The following NKD2 variants were observed in gnomAD, a reference collection of about 807,000 sequenced individuals.
The protein encoded by NKD2 is protein naked cuticle homolog 2.
Under a neutral mutation model 34.8 loss-of-function variants are expected in NKD2, and 43 were observed. That is an observed-to-expected ratio of 1.24 (90% CI 0.97 to 1.60). The LOEUF (loss-of-function observed/expected upper bound fraction) is 1.60, where lower values mean the gene tolerates loss of function less well. Ranked by LOEUF, NKD2 falls within the 40% of genes most tolerant of loss-of-function variation. The probability of loss-of-function intolerance (pLI) is 0.00; values close to 1 mark genes in which losing one functional copy is unlikely to be tolerated. For synonymous variants in NKD2, 278 were observed against 265.1 expected (o/e 1.05, Z -0.47); for missense variants, 675 against 627.1 (o/e 1.08, Z -0.82).
chr5:1,009,104 C>CGGGA lies in NKD2; in HGVS notation c.25+26_25+29dup, dbSNP rs1176264803. ...CACGGTGAGCCGCGGGCCGGTAGGG[C>CGGGA]GGGAGGGCGGGCGGGCGGGCGTGGG... is the stretch of plus-strand genomic sequence containing the variant. On this transcript the variant is annotated intron_variant, in intron 1 of 9. Coordinates refer to ENST00000296849, the MANE Select transcript of NKD2 (RefSeq NM_033120.4). The surrounding 1 kb of genome is among the most constrained non-coding windows in gnomAD (Gnocchi z 6.9). The CGGGA allele has an allele frequency of 3.8e-4, 35 of 91,334 alleles. No homozygotes were observed. The East Asian group carries it at 6.5e-3, about 17-fold the overall frequency. 5.7% of individuals were successfully genotyped at this position (91,334 alleles called of 1,614,324 possible).
intron 3 of NKD2, among the ~76,000 whole-genome samples, chr5:1,023,259 G>A (rs71213498): frequency 1.0e-4 from 2 of 19,896 alleles, no homozygotes; most frequent in African/African-American, 2.6e-4. Flanking sequence ...GTCCCAGCCC[G>A]TTGTCCCTGC....
intron 6 of NKD2, 47 bp downstream of exon 6, chr5:1,034,377 G>C: frequency 6.8e-7 from 1 of 1,480,022 alleles, no homozygotes; most frequent in Non-Finnish European, 9.4e-7. Context: ...TAGACAGACG[G>C]GGCAGACAGA....
chr5:1,009,436 C>A lies in NKD2; in HGVS notation c.62-45C>A. 1.4e-6 allele frequency: 2 copies of A among 1,459,322 alleles called. No individual in the cohort carries two copies. The highest frequency in any genetic ancestry group is 1.8e-6 in the Non-Finnish European group (2 of 1,099,206). The allele number at this position is 1,459,322 out of a possible 1,614,324, so 90.4% of individuals were successfully genotyped here. Reference sequence around the variant, plus strand: ...CGCGGGGCTCACGGCGCGTCTCTTTCCCTCCTCGGTGCGGGTTTCCCGCGC... The same window carrying A: ...CGCGGGGCTCACGGCGCGTCTCTTTACCTCCTCGGTGCGGGTTTCCCGCGC... On this transcript the variant is annotated intron_variant, in intron 2 of 9. Coordinates refer to ENST00000296849, the MANE Select transcript of NKD2 (RefSeq NM_033120.4). The surrounding 1 kb of genome is among the most constrained non-coding windows in gnomAD (Gnocchi z 6.9).
At position 1,037,964 on chromosome 5, in the gene NKD2, C is replaced by T; in HGVS notation, c.947C>T (p.Ala316Val). The change falls in exon 10 of 10, where the codon GCC becomes GTC. Residue 316 changes from alanine (A) to valine (V), a missense_variant. Coordinates refer to ENST00000296849, the MANE Select transcript of NKD2 (RefSeq NM_033120.4). ...VVPASEPAAR[A>V]LDTQPRPKGP... ...CCAGCCTCGGAGCCTGCTGCCCGGG[C>T]CCTGGACACGCAGCCCCGGCCGAAG... 1.9e-6 allele frequency: 3 copies of T among 1,605,676 alleles called. No homozygotes were observed. The highest frequency in any genetic ancestry group is 2.5e-6 in the Non-Finnish European group (3 of 1,177,886).
chr5:1,036,227 G>C, intron 8 of NKD2, 30 bp from the exon 9 acceptor site: 4 of 1,556,486 alleles, frequency 2.6e-6, no homozygotes, highest in Non-Finnish European at 3.5e-6. Context: ...GTCTGTGCGG[G>C]GGTCAGGCCC....
chr5:1,036,991 G>T (rs1734004436), intron 9 of NKD2: 1 of 346,286 alleles, frequency 2.9e-6, no homozygotes, highest in Non-Finnish European at 5.4e-6. Flanking sequence ...CAGTGTGGAT[G>T]GCAGGCAGGC....
At chr5:1,029,866 G>C (rs1344568730) in intron 3 of NKD2, among the ~76,000 whole-genome samples, 1 of 152,186 alleles carries the variant, frequency 6.6e-6, no homozygotes, top group Non-Finnish European at 1.5e-5. Flanking sequence ...CTTTAGCAAG[G>C]AGTGCTGTAC....
chr5:1,036,486 T>TG, intron 9 of NKD2, 102 bp downstream of exon 9: 5 of 695,984 alleles, frequency 7.2e-6, no homozygotes, highest in South Asian at 3.8e-5. Flanking sequence ...CTCCCTGCCC[T>TG]GCCCCGCCCC....
rs373815595 is a variant in NKD2, at chr5:1,038,415, C to G, written c.*42C>G. The G allele has an allele frequency of 2.6e-4, 402 of 1,535,596 alleles. 4 individuals are homozygous for G. In the African/African-American group the frequency reaches 4.9e-3, roughly 19 times the overall value. ...ACCTCGCTCCCAGCACACCACAGCC[C>G]GCGACCTCAGGGCAGGGAGCAGAGC... On this transcript the variant is annotated 3_prime_UTR_variant, in exon 10 of 10. Transcript: ENST00000296849. The surrounding 1 kb of genome is among the most constrained non-coding windows in gnomAD (Gnocchi z 4.5).
intron 9 of NKD2, 119 bp downstream of exon 9, chr5:1,036,503 A>AC (rs1491491725): frequency 6.3e-5 from 13 of 207,778 alleles, no homozygotes; most frequent in African/African-American, 5.1e-4. Flanking sequence ...CCCCCCCCCA[A>AC]CCCCCCCCAC....
At chr5:1,029,464 C>T (rs535282152) in intron 3 of NKD2, among the ~76,000 whole-genome samples, 5 of 152,280 alleles carry the variant, frequency 3.3e-5, no homozygotes, top group South Asian at 2.1e-4. Context: ...CATCAAACCA[C>T]GGGTCTGTGC....
rs1218210564 is a variant in NKD2 at position 1,038,499 on chromosome 5, A to ACAGCAAC, written c.*127_*133dup. 2.0e-6 allele frequency: 3 copies of ACAGCAAC among 1,517,010 alleles called. No individual in the cohort carries two copies. Among genetic ancestry groups the ACAGCAAC allele is most frequent in the Non-Finnish European group, 2.7e-6 (3 of 1,131,644 alleles). The allele number at this position is 1,517,010 out of a possible 1,614,324, so 94.0% of individuals were successfully genotyped here. ...CCCCACCCCCCACCTCCGACAGCAA[A>ACAGCAAC]CAGCAACTGACTGCAGGTGCTGGCA... On this transcript the variant is annotated 3_prime_UTR_variant, in exon 10 of 10. Coordinates refer to ENST00000296849, the MANE Select transcript of NKD2 (RefSeq NM_033120.4). The surrounding 1 kb of genome is among the most constrained non-coding windows in gnomAD (Gnocchi z 4.5).
intron 3 of NKD2, among the ~76,000 whole-genome samples, chr5:1,028,582 GA>G (rs1279213257): frequency 2.0e-5 from 3 of 152,118 alleles, no homozygotes; most frequent in Admixed American, 6.5e-5. Context: ...GGCGGGAGGG[GA>G]CAACGGGCAT....
chr5:1,034,066 G>T (rs1733667433), intron 5 of NKD2, 169 bp from the exon 6 acceptor site: 3 of 605,562 alleles, frequency 5.0e-6, no homozygotes, highest in Non-Finnish European at 8.8e-6. Context: ...GCAAGAAGGG[G>T]TCTGCTGGTT....
intron 3 of NKD2, among the ~76,000 whole-genome samples, chr5:1,012,704 G>A (rs1307096059): frequency 6.6e-6 from 1 of 152,236 alleles, no homozygotes; most frequent in East Asian, 1.9e-4. Flanking sequence ...ACTGGAACCA[G>A]CCACAGTGCC....
At position 1,038,395 on chromosome 5, in the gene NKD2, G is replaced by T. The variant is rs887884762; in HGVS notation, c.*22G>T. ...CTAGCGCCACTGCCAAGCACACCTC[G>T]CTCCCAGCACACCACAGCCCGCGAC... On this transcript the variant is annotated 3_prime_UTR_variant, in exon 10 of 10. Coordinates refer to ENST00000296849, the MANE Select transcript of NKD2 (RefSeq NM_033120.4). The surrounding 1 kb of genome is among the most constrained non-coding windows in gnomAD (Gnocchi z 4.5). 12 of 1,535,346 alleles carry T rather than the reference G, an allele frequency of 7.8e-6. No homozygotes were observed. The Middle Eastern group carries it at 5.1e-4, about 65-fold the overall frequency.
At chr5:1,034,366 G>A (rs1579274344) in intron 6 of NKD2, 36 bp downstream of exon 6, 2 of 1,520,502 alleles carry the variant, frequency 1.3e-6, no homozygotes, top group Non-Finnish European at 1.8e-6. Context: ...GTCCACAGTA[G>A]TAGACAGACG....
Position 1,038,538 on chromosome 5 carries a change from G to A in NKD2, c.*165G>A, listed in dbSNP as rs746143253. The A allele has an allele frequency of 2.8e-6, 4 of 1,430,826 alleles. No homozygotes were observed. The South Asian group carries it at 3.7e-5, about 13-fold the overall frequency. The allele number at this position is 1,430,826 out of a possible 1,614,324, so 88.6% of individuals were successfully genotyped here. A position where few individuals can be genotyped will look rare whatever the true frequency, so the allele number is the denominator to read the frequency against. The stretch of plus-strand genomic sequence containing the variant: ...CAGGTGCTGGCATGATGGAGGTGGT[G>A]CACCTTGGACACGTGGACAAGGCCC... On this transcript the variant is annotated 3_prime_UTR_variant, in exon 10 of 10. Transcript: ENST00000296849. The surrounding 1 kb of genome is among the most constrained non-coding windows in gnomAD (Gnocchi z 4.5).
At chr5:1,018,457 C>CT (rs1388866756) in intron 3 of NKD2, among the ~76,000 whole-genome samples, 3 of 152,208 alleles carry the variant, frequency 2.0e-5, no homozygotes, top group African/African-American at 7.2e-5. Flanking sequence ...GGACATGGGC[C>CT]TGGGGAAGGT....
Sources: allele counts gnomAD v4.1 joint callset (sites outside exome capture counted in the v4.1 genomes callset), GRCh38; gene constraint gnomAD v4.1.1; non-coding constraint Gnocchi (gnomAD v3.1); transcripts MANE v1.5; gene names NCBI Gene and HGNC (gene_info 2026-07-23, HGNC 2026-07-21).